Variants in TMEM164 observed in about 807,000 individuals in gnomAD.
TMEM164 encodes the protein transmembrane protein 164, also known as RP13-360B22.2.
Under a neutral mutation model 18.8 loss-of-function variants are expected in TMEM164, and 4 were observed. That is an observed-to-expected ratio of 0.21 (90% CI 0.10 to 0.49). The LOEUF (loss-of-function observed/expected upper bound fraction) is 0.49, where lower values mean the gene tolerates loss of function less well. Ranked by LOEUF, TMEM164 falls within the 20% of genes least tolerant of loss-of-function variation. TMEM164 has a pLI of 0.98. For synonymous variants in TMEM164, 86 were observed against 101.7 expected, an observed-to-expected ratio of 0.85 and a Z score of 0.93; for missense variants, 108 against 239.9, an observed-to-expected ratio of 0.45 and a Z score of 3.63.
At chrX:110,139,057 G>A (rs1218560126) in intron 4 of TMEM164, among the ~76,000 whole-genome samples, 2 of 112,560 alleles carry the variant, frequency 1.8e-5, no homozygotes, top group African/African-American at 6.5e-5. Flanking sequence ...AAAGTATAAA[G>A]GAAAGCAGAG....
chrX:110,104,683 C>T (rs941633289), intron 3 of TMEM164, among the ~76,000 whole-genome samples: 2 of 111,835 alleles, frequency 1.8e-5, no homozygotes, highest in Admixed American at 1.9e-4. Context: ...TTTTCTCTTC[C>T]TCATGACTTT....
intron 2 of TMEM164, among the ~76,000 whole-genome samples, chrX:110,057,686 C>A (rs554907750): frequency 9.2e-6 from 1 of 108,415 alleles, no homozygotes; most frequent in Middle Eastern, 4.8e-3. Context: ...AATAGCCATT[C>A]TGACAAGGGT....
At chrX:110,126,022 T>A (rs2066523598) in intron 4 of TMEM164, among the ~76,000 whole-genome samples, 1 of 112,604 alleles carries the variant, frequency 8.9e-6, no homozygotes, top group African/African-American at 3.2e-5. Flanking sequence ...TTGGCTCAAA[T>A]GGCAGGGCGG....
chrX:110,081,647 A>G (rs771182983), intron 3 of TMEM164, among the ~76,000 whole-genome samples: 1 of 112,810 alleles, frequency 8.9e-6, no homozygotes, highest in Non-Finnish European at 1.9e-5. Context: ...TTAAATTGTT[A>G]AAAGTATGAA....
intron 5 of TMEM164, among the ~76,000 whole-genome samples, chrX:110,162,218 TGGTAAGAGTA>T (rs2067102938): frequency 8.9e-6 from 1 of 112,650 alleles, no homozygotes; most frequent in African/African-American, 3.2e-5. Flanking sequence ...CACAGCAGCT[TGGTAAGAGTA>T]GGTAAGAGTA....
intron 5 of TMEM164, among the ~76,000 whole-genome samples, chrX:110,156,768 G>A (rs945793114): frequency 9.0e-6 from 1 of 111,363 alleles, no homozygotes; most frequent in African/African-American, 3.3e-5. Context: ...CACGTGGAAG[G>A]GGCAAGCAGG....
At chrX:110,112,584 C>T (rs1836703451) in intron 4 of TMEM164, among the ~76,000 whole-genome samples, 1 of 112,123 alleles carries the variant, frequency 8.9e-6, no homozygotes, top group African/African-American at 3.2e-5. Context: ...TTACTATGTG[C>T]CACTGTTCTA....
At chrX:110,042,224 G>T (rs1935127773) in intron 2 of TMEM164, among the ~76,000 whole-genome samples, 1 of 108,221 alleles carries the variant, frequency 9.2e-6, no homozygotes. Context: ...GGTAACCACT[G>T]TTCTACTTTC....
intron 2 of TMEM164, among the ~76,000 whole-genome samples, chrX:110,021,098 G>A (rs925377405): frequency 2.7e-5 from 3 of 110,578 alleles, no homozygotes; most frequent in Non-Finnish European, 5.7e-5. Flanking sequence ...AGGGAAAGAG[G>A]GGAATTCTCA....
chrX:110,171,280 G>A, intron 5 of TMEM164, 140 bp from the exon 6 acceptor site: 1 of 482,063 alleles, frequency 2.1e-6, no homozygotes. Context: ...CAGTGGGGCT[G>A]TCTCTTGAGT....
chrX:110,152,347 C>A (rs2066955314), intron 5 of TMEM164, among the ~76,000 whole-genome samples: 1 of 110,981 alleles, frequency 9.0e-6, no homozygotes, highest in Non-Finnish European at 1.9e-5. Context: ...AGTCACCCTG[C>A]CCAGCTGAAT....
chrX:110,023,394 GAGTT>G (rs766959561), intron 2 of TMEM164, among the ~76,000 whole-genome samples: 1 of 110,346 alleles, frequency 9.1e-6, no homozygotes, highest in Non-Finnish European at 1.9e-5. Flanking sequence ...GTGGGCCTGA[GAGTT>G]AGAGGAGTGG....
intron 4 of TMEM164, among the ~76,000 whole-genome samples, chrX:110,114,691 G>A (rs1192988928): frequency 7.2e-5 from 8 of 111,419 alleles, no homozygotes. Context: ...TGTTAGCAAG[G>A]GAGACTGGAT....
intron 4 of TMEM164, among the ~76,000 whole-genome samples, chrX:110,117,340 A>G (rs1304097110): frequency 8.9e-6 from 1 of 112,746 alleles, no homozygotes; most frequent in Non-Finnish European, 1.9e-5. Context: ...GGCAAATTTT[A>G]TACAGTATCG....
intron 4 of TMEM164, among the ~76,000 whole-genome samples, chrX:110,115,402 A>G (rs2066347060): frequency 8.9e-6 from 1 of 112,218 alleles, no homozygotes. Context: ...TGAGTGAGGC[A>G]CAATAGTGCC....
chrX:110,154,235 A>G (rs1295959301), intron 5 of TMEM164, among the ~76,000 whole-genome samples: 6 of 111,729 alleles, frequency 5.4e-5, no homozygotes, highest in Non-Finnish European at 9.4e-5. Flanking sequence ...AAATTTAAAA[A>G]CAGATGTGCC....
At chrX:110,033,403 G>A (rs1934607933) in intron 2 of TMEM164, among the ~76,000 whole-genome samples, 1 of 111,967 alleles carries the variant, frequency 8.9e-6, no homozygotes, top group Admixed American at 9.4e-5. Context: ...CTTTGTGATT[G>A]GTAGTATGTT....
At chrX:110,046,821 A>G (rs1377426087) in intron 2 of TMEM164, among the ~76,000 whole-genome samples, 1 of 112,180 alleles carries the variant, frequency 8.9e-6, no homozygotes, top group Non-Finnish European at 1.9e-5. Context: ...GGACTCAGCT[A>G]GCCAAAATAT....
chrX:110,037,976 T>C (rs1449715418), intron 2 of TMEM164, among the ~76,000 whole-genome samples: 3 of 108,048 alleles, frequency 2.8e-5, no homozygotes. Context: ...AGAACAGCCT[T>C]TGGACTCATT....
Sources: gnomAD v4.1 joint callset for allele counts (sites outside exome capture counted in the v4.1 genomes callset) on GRCh38, gnomAD v4.1.1 for gene constraint, MANE v1.5 for transcripts, NCBI Gene and HGNC (gene_info 2026-07-23, HGNC 2026-07-21) for gene names.